CAPRIN2: variants seen among roughly 807,000 people sequenced by gnomAD.
CAPRIN2 encodes caprin family member 2, also known as caprin-2.
Under a neutral mutation model 130.4 loss-of-function variants are expected in CAPRIN2, and 66 were observed. The observed-to-expected ratio is 0.51, with a 90% CI of 0.42 to 0.62. The LOEUF (loss-of-function observed/expected upper bound fraction) is 0.62. CAPRIN2 is among the 20% of genes least tolerant of loss of function. The pLI is 0.00. For missense variants in CAPRIN2, 1,185 were observed against 1,246.6 expected, an observed-to-expected ratio of 0.95 and a Z score of 0.74; for synonymous variants, 471 against 444.1, an observed-to-expected ratio of 1.06 and a Z score of -0.76.
chr12:30,730,711 C>T (rs944549762), intron 6 of CAPRIN2, among the ~76,000 whole-genome samples: 1 of 152,104 alleles, frequency 6.6e-6, no homozygotes, highest in African/African-American at 2.4e-5. Flanking sequence ...AGTGGAGATA[C>T]TTAAGCACTG....
chr12:30,736,667 T>C (rs1365996621), intron 3 of CAPRIN2, among the ~76,000 whole-genome samples: 26 of 152,180 alleles, frequency 1.7e-4, no homozygotes, highest in Non-Finnish European at 3.8e-4. Flanking sequence ...AATAGACTGG[T>C]TGAAGGTTGC....
chr12:30,718,817 T>C (rs1388787235), intron 12 of CAPRIN2, among the ~76,000 whole-genome samples: 3 of 152,238 alleles, frequency 2.0e-5, no homozygotes, highest in Non-Finnish European at 4.4e-5. Context: ...TTGTTTAATA[T>C]GGATCCTCAG....
At chr12:30,729,468 ACTTTCCTACTTCT>A (rs1007441394) in intron 7 of CAPRIN2, 143 bp from the exon 9 acceptor site, 8 of 557,170 alleles carry the variant, frequency 1.4e-5, no homozygotes, top group Non-Finnish European at 2.1e-5. Flanking sequence ...ACTTGAAAAG[ACTTTCCTACTTCT>A]CTTTCCTACT....
At position 30,715,149 on chromosome 12, in the gene CAPRIN2, A is replaced by C. The variant is rs1296246725; in HGVS notation, c.2318-8T>G. On this transcript the variant is annotated splice_polypyrimidine_tract_variant and splice_region_variant and intron_variant, in intron 13 of 16. Coordinates refer to ENST00000298892, the Ensembl canonical transcript of CAPRIN2. ...CATCAGGATGATAATTTGCTGCTTA[A>C]GAAAAACGATTTTAGGGTCCAAGAG... is the stretch of plus-strand genomic sequence containing the variant. The C allele has an allele frequency of 3.1e-6, 5 of 1,613,094 alleles. No individual in the cohort carries two copies. In the East Asian group the frequency reaches 1.1e-4, roughly 36 times the overall value.
At chr12:30,737,316 T>C (rs548846308) in intron 3 of CAPRIN2, among the ~76,000 whole-genome samples, 2 of 152,164 alleles carry the variant, frequency 1.3e-5, no homozygotes, top group South Asian at 2.1e-4. Context: ...TCTGCATCTA[T>C]GATGACAGGG....
chr12:30,753,603 G>A (rs1180737288), exon 1 of CAPRIN2: 15 of 1,614,082 alleles, frequency 9.3e-6, no homozygotes, highest in Non-Finnish European at 1.3e-5. Flanking sequence ...CATTGAAACA[G>A]ATGAGGCTGA....
rs767682019 is a variant in CAPRIN2, at chr12:30,729,331, T to C, written c.1105-6A>G. 32 of 1,536,050 alleles carry C rather than the reference T, an allele frequency of 2.1e-5. No homozygotes were observed. Among genetic ancestry groups the C allele is most frequent in the African/African-American group, 2.8e-5 (2 of 72,040 alleles). ...ATATAGCGTCTGTTAAGAAACTAGA[T>C]AGAGAAACAATGCACTTAAGTCACA... On this transcript the variant is annotated splice_region_variant and splice_polypyrimidine_tract_variant and intron_variant, in intron 7 of 16. Coordinates refer to ENST00000298892, the Ensembl canonical transcript of CAPRIN2.
At chr12:30,746,452 T>C (rs1182962470) in intron 2 of CAPRIN2, among the ~76,000 whole-genome samples, 1 of 152,136 alleles carries the variant, frequency 6.6e-6, no homozygotes, top group Non-Finnish European at 1.5e-5. Flanking sequence ...CGAACCCTAA[T>C]GCAAACTCTA....
intron 12 of CAPRIN2, among the ~76,000 whole-genome samples, 177 bp downstream of exon 14, chr12:30,718,902 G>C (rs1485324678): frequency 6.6e-6 from 1 of 152,192 alleles, no homozygotes; most frequent in Non-Finnish European, 1.5e-5. Flanking sequence ...AGAGGCTGTG[G>C]ATTTCCTATT....
intron 2 of CAPRIN2, among the ~76,000 whole-genome samples, chr12:30,744,966 C>A (rs184066809): frequency 6.6e-6 from 1 of 152,204 alleles, no homozygotes; most frequent in East Asian, 1.9e-4. Context: ...GAAAAAGACA[C>A]CACGGACAAG....
chr12:30,752,708 C>T (rs1417940682), intron 1 of CAPRIN2, among the ~76,000 whole-genome samples: 1 of 152,086 alleles, frequency 6.6e-6, no homozygotes, highest in Non-Finnish European at 1.5e-5. Flanking sequence ...AGTCACTCAA[C>T]CTCACCTGTC....
chr12:30,735,563 G>A (rs1452271953), intron 3 of CAPRIN2, among the ~76,000 whole-genome samples: 1 of 151,932 alleles, frequency 6.6e-6, no homozygotes, highest in Non-Finnish European at 1.5e-5. Context: ...GACCTTTTAG[G>A]ATTTTTTTTA....
At position 30,710,392 on chromosome 12, in the gene CAPRIN2, C is replaced by G; in HGVS notation, c.2744G>C (p.Gly915Ala). ...CACAGGGGTCATGCTACGGGAGTCT[C>G]CTTGTCCAGAGTCACCACTGTTAAA... Residue 915 changes from glycine (G) to alanine (A), a missense_variant, in exon 17 of 17, where the codon GGA becomes GCA. Coordinates refer to ENST00000298892, the Ensembl canonical transcript of CAPRIN2. The surrounding 1 kb of genome is among the most constrained non-coding windows in gnomAD (Gnocchi z 4.8). 1.2e-6 allele frequency: 2 copies of G among 1,614,154 alleles called. No homozygotes were observed. Among genetic ancestry groups the G allele is most frequent in the Non-Finnish European group, 1.7e-6 (2 of 1,180,032 alleles).
Position 30,725,573 on chromosome 12 carries a change from TGG to T in CAPRIN2, c.1905+391_1905+392del, listed in dbSNP as rs1285615340. On this transcript the variant is annotated intron_variant, in intron 9 of 16. Coordinates refer to ENST00000298892, the Ensembl canonical transcript of CAPRIN2. ...ACATAAATTTACAATCTTCTACAACTGGAATATAAATTCCTTGAAGGCAATGA... is the reference window on the plus strand; with the variant it reads ...ACATAAATTTACAATCTTCTACAACTAATATAAATTCCTTGAAGGCAATGA... Among the ~76,000 whole-genome samples the T allele has an allele frequency of 6.8e-4, 104 of 152,342 alleles. 2 individuals carry two copies. The South Asian group carries it at 0.013, about 19-fold the overall frequency.
chr12:30,734,402 A>G (rs927430016), intron 4 of CAPRIN2, among the ~76,000 whole-genome samples: 1 of 152,228 alleles, frequency 6.6e-6, no homozygotes, highest in Admixed American at 6.5e-5. Flanking sequence ...CAAAACAAAA[A>G]GAGCAATGGA....
Position 30,719,075 on chromosome 12 carries a change from T to C in CAPRIN2, c.2148+1736A>G. 1 of 1,612,882 alleles carries C rather than the reference T, an allele frequency of 6.2e-7. No individual in the cohort carries two copies. Among genetic ancestry groups the C allele is most frequent in the Non-Finnish European group, 8.5e-7 (1 of 1,179,230 alleles). ...TGCAATCATCATTCATGTTTCATAC[T>C]CACTGTCTGCATGGCTTGAAAGGGT... On this transcript the variant is annotated intron_variant, in intron 12 of 16. Transcript: ENST00000298892.
intron 3 of CAPRIN2, among the ~76,000 whole-genome samples, chr12:30,738,548 C>T (rs1003149853): frequency 2.6e-5 from 4 of 152,092 alleles, no homozygotes; most frequent in African/African-American, 9.7e-5. Flanking sequence ...AAAGCAAAAA[C>T]TGACAAGTTA....
rs192218961 is a variant in CAPRIN2, at chr12:30,750,558, A to G, written c.483+513T>C. Among the ~76,000 whole-genome samples the G allele has an allele frequency of 8.5e-5, 13 of 152,072 alleles. No homozygotes were observed. The East Asian group carries it at 1.5e-3, about 18-fold the overall frequency. ...AGCTTTTTTTTTTTTTAAAGGCCAG[A>G]TATCTATCAGATAATATGCCTCCTG... On this transcript the variant is annotated intron_variant, in intron 2 of 16. Coordinates refer to ENST00000298892, the Ensembl canonical transcript of CAPRIN2.
intron 2 of CAPRIN2, among the ~76,000 whole-genome samples, chr12:30,745,380 CA>C (rs1280818175): frequency 6.6e-6 from 1 of 152,110 alleles, no homozygotes; most frequent in Non-Finnish European, 1.5e-5. Context: ...ACTCCACAAA[CA>C]ACTTCATTAG....
Sources: allele counts gnomAD v4.1 joint callset (sites outside exome capture counted in the v4.1 genomes callset), GRCh38; gene constraint gnomAD v4.1.1; non-coding constraint Gnocchi (gnomAD v3.1); transcripts MANE v1.5; gene names NCBI Gene and HGNC (gene_info 2026-07-23, HGNC 2026-07-21).